The following SGMS1 variants were observed in gnomAD, a reference collection of about 807,000 sequenced individuals.
SGMS1 encodes sphingomyelin synthase 1.
Under a neutral mutation model 46.2 loss-of-function variants are expected in SGMS1, and 13 were observed. The observed-to-expected ratio is 0.28, with a 90% CI of 0.18 to 0.45. The LOEUF (loss-of-function observed/expected upper bound fraction) is 0.45, where lower values mean the gene tolerates loss of function less well. Ranked by LOEUF, SGMS1 falls within the 20% of genes least tolerant of loss-of-function variation. The pLI is 1.00. For missense variants in SGMS1, 324 were observed against 519.9 expected, an observed-to-expected ratio of 0.62 and a Z score of 3.66; for synonymous variants, 203 against 187.8, an observed-to-expected ratio of 1.08 and a Z score of -0.66.
At chr10:50,388,845 A>C (rs187812280) in intron 6 of SGMS1, among the ~76,000 whole-genome samples, 1 of 152,218 alleles carries the variant, frequency 6.6e-6, no homozygotes, top group African/African-American at 2.4e-5. Flanking sequence ...CAGTTCTTAG[A>C]TAGGAATGAT....
At chr10:50,406,389 C>T (rs551641450) in intron 6 of SGMS1, among the ~76,000 whole-genome samples, 7 of 152,250 alleles carry the variant, frequency 4.6e-5, no homozygotes, top group South Asian at 4.2e-4. Context: ...AGTAGATATC[C>T]GCCCATGAAT....
At chr10:50,430,460 T>C (rs951159118) in intron 6 of SGMS1, among the ~76,000 whole-genome samples, 1 of 101,140 alleles carries the variant, frequency 9.9e-6, no homozygotes, top group Non-Finnish European at 2.0e-5. Flanking sequence ...TAGAAAAGTA[T>C]GGCAGAATAC....
upstream of SGMS1, chr10:50,624,915 C>T (rs1486569244): frequency 9.9e-7 from 1 of 1,008,314 alleles, no homozygotes; most frequent in Non-Finnish European, 1.2e-6. Flanking sequence ...ACGGGCCCGG[C>T]GTACCACGTG....
At chr10:50,312,984 G>T (rs1847281355) in intron 8 of SGMS1, among the ~76,000 whole-genome samples, 1 of 152,118 alleles carries the variant, frequency 6.6e-6, no homozygotes, top group African/African-American at 2.4e-5. Context: ...TTCATAACTT[G>T]GGGGTGAGTA....
At chr10:50,490,209 G>T (rs1302710860) in intron 3 of SGMS1, among the ~76,000 whole-genome samples, 2 of 152,130 alleles carry the variant, frequency 1.3e-5, no homozygotes, top group African/African-American at 4.8e-5. Flanking sequence ...TCTTATGTGT[G>T]ATTCTGTATT....
At chr10:50,335,809 A>G (rs915953761) in intron 7 of SGMS1, 3 of 152,230 alleles carry the variant, frequency 2.0e-5, no homozygotes, top group Non-Finnish European at 4.4e-5. Flanking sequence ...ATCAAAAGTT[A>G]TATGAACCCA....
intron 3 of SGMS1, among the ~76,000 whole-genome samples, chr10:50,486,247 G>A (rs1178832718): frequency 2.6e-5 from 4 of 152,126 alleles, no homozygotes; most frequent in African/African-American, 9.7e-5. Context: ...TCAGGACATA[G>A]GTTCAAGCAA....
intron 7 of SGMS1, among the ~76,000 whole-genome samples, chr10:50,329,084 T>C (rs1847573749): frequency 6.6e-6 from 1 of 152,144 alleles, no homozygotes. Context: ...AAAATAAAAT[T>C]ATTGCTTTTG....
At chr10:50,598,566 G>T (rs963922467) in intron 1 of SGMS1, among the ~76,000 whole-genome samples, 1 of 152,160 alleles carries the variant, frequency 6.6e-6, no homozygotes, top group Non-Finnish European at 1.5e-5. Context: ...TTGTGGAGAA[G>T]GGGTGAAATG....
At chr10:50,524,149 C>T (rs1837879288) in intron 2 of SGMS1, among the ~76,000 whole-genome samples, 1 of 152,166 alleles carries the variant, frequency 6.6e-6, no homozygotes, top group South Asian at 2.1e-4. Context: ...CTTTTGTACC[C>T]CTCACTGTCC....
At chr10:50,508,722 A>T (rs1837728992) in intron 3 of SGMS1, among the ~76,000 whole-genome samples, 1 of 152,192 alleles carries the variant, frequency 6.6e-6, no homozygotes, top group South Asian at 2.1e-4. Context: ...CTCTGACCTA[A>T]GGAGAATATA....
intron 1 of SGMS1, among the ~76,000 whole-genome samples, chr10:50,595,967 G>C (rs1037589357): frequency 4.6e-5 from 7 of 152,166 alleles, no homozygotes; most frequent in Admixed American, 1.3e-4. Flanking sequence ...AAGGGTTGCT[G>C]TGAGGATTAG....
At chr10:50,332,157 T>C (rs964056557) in intron 7 of SGMS1, among the ~76,000 whole-genome samples, 5 of 152,198 alleles carry the variant, frequency 3.3e-5, no homozygotes, top group African/African-American at 1.2e-4. Flanking sequence ...GCTACCTCCC[T>C]CTAGCCTGCC....
At chr10:50,407,627 G>A (rs537340434) in intron 6 of SGMS1, among the ~76,000 whole-genome samples, 16 of 152,112 alleles carry the variant, frequency 1.1e-4, no homozygotes, top group African/African-American at 2.7e-4. Context: ...TCCCCCCGCC[G>A]TAAATAAGAG....
At chr10:50,435,423 C>CTCT (rs1849462616) in intron 5 of SGMS1, among the ~76,000 whole-genome samples, 1 of 152,200 alleles carries the variant, frequency 6.6e-6, no homozygotes, top group Non-Finnish European at 1.5e-5. Flanking sequence ...AATTCACAGA[C>CTCT]TCTTTCCTGA....
At chr10:50,458,641 G>C (rs898717082) in intron 5 of SGMS1, among the ~76,000 whole-genome samples, 2 of 152,024 alleles carry the variant, frequency 1.3e-5, no homozygotes, top group African/African-American at 4.8e-5. Flanking sequence ...TTGCAGGCAT[G>C]AGCCACCGCT....
At chr10:50,423,952 A>G (rs911414856) in intron 6 of SGMS1, among the ~76,000 whole-genome samples, 1 of 152,260 alleles carries the variant, frequency 6.6e-6, no homozygotes, top group Non-Finnish European at 1.5e-5. Flanking sequence ...TTTCATACAC[A>G]TTATTTTACA....
At chr10:50,424,012 C>T (rs1203421) in intron 6 of SGMS1, among the ~76,000 whole-genome samples, 32,932 of 152,116 alleles carry the variant, frequency 0.22, 3,880 homozygotes, top group Non-Finnish European at 0.27. Context: ...CTACACTGAA[C>T]GCGCAAAGAA....
At chr10:50,421,976 C>CT (rs985565490) in intron 6 of SGMS1, among the ~76,000 whole-genome samples, 15 of 152,272 alleles carry the variant, frequency 9.9e-5, no homozygotes, top group African/African-American at 3.6e-4. Context: ...GCCTGACAAC[C>CT]TTCTTGCATT....
Sources: allele counts gnomAD v4.1 joint callset (sites outside exome capture counted in the v4.1 genomes callset), GRCh38; gene constraint gnomAD v4.1.1; transcripts MANE v1.5; gene names NCBI Gene and HGNC (gene_info 2026-07-23, HGNC 2026-07-21).